P2RY8: variants seen among roughly 807,000 people sequenced by gnomAD.
P2RY8 encodes P2Y receptor family member 8.
Under a neutral mutation model 10.0 loss-of-function variants are expected in P2RY8, and 6 were observed. That is an observed-to-expected ratio of 0.60 (90% CI 0.33 to 1.19). The LOEUF (loss-of-function observed/expected upper bound fraction) is 1.19, where lower values mean the gene tolerates loss of function less well. P2RY8 is among the 50% of genes most tolerant of loss of function. The probability of loss-of-function intolerance (pLI) is 0.04; values close to 1 mark genes in which losing one functional copy is unlikely to be tolerated. For missense variants in P2RY8, 456 were observed against 542.0 expected, an observed-to-expected ratio of 0.84 and a Z score of 1.58; for synonymous variants, 276 against 252.5, an observed-to-expected ratio of 1.09 and a Z score of -0.88.
intron 1 of P2RY8, among the ~76,000 whole-genome samples, chrX:1,502,729 G>C (rs1338311608): frequency 2.0e-5 from 3 of 152,180 alleles, no homozygotes; most frequent in Non-Finnish European, 2.9e-5. Context: ...GCATTGTCTG[G>C]GTGGGCCTTA....
chrX:1,466,176 G>C lies in P2RY8; in HGVS notation c.383C>G (p.Pro128Arg). 1.2e-6 allele frequency: 2 copies of C among 1,612,472 alleles called. No individual in the cohort carries two copies. The highest frequency in any genetic ancestry group is 1.7e-6 in the Non-Finnish European group (2 of 1,179,394). Reference sequence around the variant, plus strand: ...GCGGCGCCAGCGCTTGGAGCTGAGCGGGTACAGGACCCCCAGGAAGCGCTC... The same window carrying C: ...GCGGCGCCAGCGCTTGGAGCTGAGCCGGTACAGGACCCCCAGGAAGCGCTC... ...SVERFLGVLY[P>R]LSSKRWRRRR... The change falls in exon 2 of 2, where the codon CCG becomes CGG. Residue 128 changes from proline (P) to arginine (R), a missense_variant. By Grantham distance (103) the Pro-to-Arg change is moderately radical. Transcript: ENST00000381297.
intron 1 of P2RY8, among the ~76,000 whole-genome samples, chrX:1,480,313 G>C (rs1223264319): frequency 6.7e-6 from 1 of 149,980 alleles, no homozygotes; most frequent in Non-Finnish European, 1.5e-5. Flanking sequence ...TTTTTTATTG[G>C]CTGAGTCAGA....
At chrX:1,486,995 C>T (rs190006290) in intron 1 of P2RY8, among the ~76,000 whole-genome samples, 1,681 of 152,346 alleles carry the variant, frequency 0.011, 24 homozygotes, top group Middle Eastern at 0.034. Flanking sequence ...GGGATGCAGT[C>T]GTCACTGGGG....
At chrX:1,512,507 A>G (rs1423100045) in intron 1 of P2RY8, among the ~76,000 whole-genome samples, 3 of 137,040 alleles carry the variant, frequency 2.2e-5, no homozygotes, top group African/African-American at 5.3e-5. Flanking sequence ...AGATCATGCC[A>G]TTGCACTCCA....
rs1569538711 is a variant in P2RY8, at chrX:1,524,637, C to CCATACATCCATG, written c.-25+12283_-25+12284insCATGGATGTATG. 4.0e-4 allele frequency among the ~76,000 whole-genome samples: 17 copies of CCATACATCCATG among 42,382 alleles called. 1 individual carries two copies. The highest frequency in any genetic ancestry group is 1.2e-3 in the Admixed American group (5 of 4,082). The allele number at this position is 42,382 out of a possible 152,430, so 27.8% of individuals were successfully genotyped here. A position where few individuals can be genotyped will look rare whatever the true frequency, so the allele number is the denominator to read the frequency against. On this transcript the variant is annotated intron_variant, in intron 1 of 1. Coordinates refer to ENST00000381297, the MANE Select transcript of P2RY8 (RefSeq NM_178129.5). ...TCCATCCATCCATTCATCCATCCAT[C>CCATACATCCATG]CATCCATACATCCATCCATCCATCC...
intron 1 of P2RY8, among the ~76,000 whole-genome samples, chrX:1,495,943 C>G (rs1194718609): frequency 6.6e-6 from 1 of 150,708 alleles, no homozygotes; most frequent in Non-Finnish European, 1.5e-5. Context: ...TGTGAGGACA[C>G]AGGGAGAAGT....
intron 1 of P2RY8, among the ~76,000 whole-genome samples, chrX:1,508,901 CTATGT>C (rs2092261764): frequency 6.3e-5 from 8 of 126,534 alleles, no homozygotes; most frequent in African/African-American, 2.4e-4. Context: ...ATCTATGTAT[CTATGT>C]ATCCATCCAT....
At chrX:1,473,176 G>C (rs1230280474) in intron 1 of P2RY8, among the ~76,000 whole-genome samples, 2 of 150,686 alleles carry the variant, frequency 1.3e-5, no homozygotes, top group South Asian at 2.1e-4. Context: ...TAGGTAGATG[G>C]ATGGGTGGAT....
intron 1 of P2RY8, among the ~76,000 whole-genome samples, chrX:1,531,913 T>G (rs1483075783): frequency 2.0e-5 from 3 of 152,000 alleles, no homozygotes; most frequent in African/African-American, 4.8e-5. Flanking sequence ...AAATAGCAAA[T>G]GCTAGTGTGG....
intron 1 of P2RY8, among the ~76,000 whole-genome samples, chrX:1,518,687 C>T (rs2092369400): frequency 6.6e-6 from 1 of 151,430 alleles, no homozygotes; most frequent in South Asian, 2.1e-4. Context: ...AAAATCTCTC[C>T]AGTCCCCTCA....
chrX:1,474,245 G>A (rs1382006476), intron 1 of P2RY8, among the ~76,000 whole-genome samples: 1 of 151,778 alleles, frequency 6.6e-6, no homozygotes, highest in Non-Finnish European at 1.5e-5. Flanking sequence ...TGAGTGGGAG[G>A]ATGGGTGAGT....
chrX:1,527,890 T>A (rs766991146), intron 1 of P2RY8, among the ~76,000 whole-genome samples: 33 of 152,318 alleles, frequency 2.2e-4, no homozygotes, highest in South Asian at 1.5e-3. Context: ...ACTGAGGCCA[T>A]GTTAATCTAT....
chrX:1,478,541 C>A (rs752988363), intron 1 of P2RY8, among the ~76,000 whole-genome samples: 1 of 152,012 alleles, frequency 6.6e-6, no homozygotes, highest in South Asian at 2.1e-4. Context: ...TGAAGTGGCA[C>A]GATCTCGGCT....
At chrX:1,492,373 C>T (rs1164367239) in intron 1 of P2RY8, among the ~76,000 whole-genome samples, 1 of 152,096 alleles carries the variant, frequency 6.6e-6, no homozygotes, top group Non-Finnish European at 1.5e-5. Context: ...TTGTGGGTGC[C>T]AGGAGAGAGA....
Position 1,462,933 on chromosome X carries a change from G to A in P2RY8, c.*2546C>T, listed in dbSNP as rs1372995604. On this transcript the variant is annotated 3_prime_UTR_variant, in exon 2 of 2. Transcript: ENST00000381297. ...ATCCACGGCTGTAAGAGGGGGTGTC[G>A]GCTGCTCTCCATAGCCAAGTGGCTG... The A allele has an allele frequency of 5.2e-5, 12 of 232,680 alleles. No individual in the cohort carries two copies. Among genetic ancestry groups the A allele is most frequent in the Admixed American group, 4.0e-4 (7 of 17,700 alleles). The allele number at this position is 232,680 out of a possible 1,614,324, so 14.4% of individuals were successfully genotyped here. A position where few individuals can be genotyped will look rare whatever the true frequency, so the allele number is the denominator to read the frequency against.
At position 1,483,023 on chromosome X, in the gene P2RY8, A is replaced by G. The variant is rs1338411718; in HGVS notation, c.-24-16441T>C. ...ACGAGTTAATGGGTGCAGCACACCA[A>G]CATGGCACATGTATACATATGTAAC... is the stretch of plus-strand genomic sequence containing the variant. On this transcript the variant is annotated intron_variant, in intron 1 of 1. Transcript: ENST00000381297. Among the ~76,000 whole-genome samples the G allele has an allele frequency of 3.5e-4, 53 of 152,244 alleles. No homozygotes were observed. The Middle Eastern group carries it at 0.017, about 49-fold the overall frequency.
chrX:1,512,095 C>T (rs1484876102), intron 1 of P2RY8, among the ~76,000 whole-genome samples: 1 of 152,090 alleles, frequency 6.6e-6, no homozygotes, highest in African/African-American at 2.4e-5. Flanking sequence ...TGTCCAGGGT[C>T]TCCTGTGTAA....
chrX:1,518,243 T>G (rs1239529300), intron 1 of P2RY8, among the ~76,000 whole-genome samples: 4 of 151,434 alleles, frequency 2.6e-5, no homozygotes, highest in Non-Finnish European at 5.9e-5. Flanking sequence ...CTGGCCAACA[T>G]GGTGAAACCC....
chrX:1,504,055 C>T lies in P2RY8; in HGVS notation c.-25+32866G>A, dbSNP rs1205595090. On this transcript the variant is annotated intron_variant, in intron 1 of 1. Transcript: ENST00000381297. ...GAATTCTGCTGGACGTGGTGGCTCACGCCTGTAATCCCAGCACTTTGGGAG... is the reference window on the plus strand; with the variant it reads ...GAATTCTGCTGGACGTGGTGGCTCATGCCTGTAATCCCAGCACTTTGGGAG... Among the ~76,000 whole-genome samples the T allele has an allele frequency of 3.3e-5, 5 of 151,986 alleles. No homozygotes were observed. The East Asian group carries it at 5.8e-4, about 18-fold the overall frequency.
Sources: allele counts gnomAD v4.1 joint callset (sites outside exome capture counted in the v4.1 genomes callset), GRCh38; gene constraint gnomAD v4.1.1; transcripts MANE v1.5; gene names NCBI Gene and HGNC (gene_info 2026-07-23, HGNC 2026-07-21).